AFDN: variants seen among roughly 807,000 people sequenced by gnomAD.
AFDN encodes afadin, adherens junction formation factor, also known as afadin.
Under a neutral mutation model 216.6 loss-of-function variants are expected in AFDN, and 68 were observed. That is an observed-to-expected ratio of 0.31 (90% CI 0.26 to 0.38). The LOEUF (loss-of-function observed/expected upper bound fraction) is 0.38, where lower values mean the gene tolerates loss of function less well. Ranked by LOEUF, AFDN falls within the 10% of genes least tolerant of loss-of-function variation. The pLI is 1.00. For missense variants in AFDN, 2,136 were observed against 2,342.0 expected (o/e 0.91, Z 1.82); for synonymous variants, 868 against 853.7 (o/e 1.02, Z -0.29).
Position 167,969,960 on chromosome 6 carries a change from A to G in AFDN, c.*25A>G, listed in dbSNP as rs778332931. 5 of 1,581,746 alleles carry G rather than the reference A, an allele frequency of 3.2e-6. No individual in the cohort carries two copies. The highest frequency in any genetic ancestry group is 4.3e-6 in the Non-Finnish European group (5 of 1,168,206). ...AAAGAAAATGAGGAGAACACTTTGTATTTACCCCAAAATCTTTTCAGTTGT... is the reference window on the plus strand; with the variant it reads ...AAAGAAAATGAGGAGAACACTTTGTGTTTACCCCAAAATCTTTTCAGTTGT... On this transcript the variant is annotated 3_prime_UTR_variant, in exon 34 of 34. Transcript: ENST00000683244.
chr6:167,841,818 G>A (rs62427059), intron 1 of AFDN, among the ~76,000 whole-genome samples: 2 of 151,704 alleles, frequency 1.3e-5, no homozygotes, highest in Non-Finnish European at 2.9e-5. Context: ...CTTCAAGAGC[G>A]CTCTGGATTC....
chr6:167,939,389 A>T (rs1337958452), intron 23 of AFDN, among the ~76,000 whole-genome samples: 1 of 152,212 alleles, frequency 6.6e-6, no homozygotes, highest in Non-Finnish European at 1.5e-5. Flanking sequence ...AGGAAAAAAT[A>T]AGTAGTGCTT....
chr6:167,891,639 G>C (rs1379296385), intron 8 of AFDN, among the ~76,000 whole-genome samples: 1 of 152,038 alleles, frequency 6.6e-6, no homozygotes, highest in Non-Finnish European at 1.5e-5. Flanking sequence ...TTTCAGGTTA[G>C]CCATTGAGTA....
intron 23 of AFDN, 137 bp from the exon 24 acceptor site, chr6:167,942,992 G>A: frequency 1.7e-6 from 1 of 592,412 alleles, no homozygotes; most frequent in South Asian, 2.8e-5. Flanking sequence ...TAATTTTCAT[G>A]TAAAAATGAG....
rs577953382 is a variant in AFDN at position 167,969,700 on chromosome 6, C to T, written c.5343-82C>T. On this transcript the variant is annotated intron_variant, in intron 33 of 33. Transcript: ENST00000683244. ...ACAAAGAATGAGTGAAAATTTTAATCGCCCATTTTGCAAACGTGTGTAATT... is the reference window on the plus strand; with the variant it reads ...ACAAAGAATGAGTGAAAATTTTAATTGCCCATTTTGCAAACGTGTGTAATT... 48 of 1,319,750 alleles carry T rather than the reference C, an allele frequency of 3.6e-5. No individual in the cohort carries two copies. In the East Asian group the frequency reaches 1.0e-3, roughly 29 times the overall value. The allele number at this position is 1,319,750 out of a possible 1,614,324, so 81.8% of individuals were successfully genotyped here. A position where few individuals can be genotyped will look rare whatever the true frequency, so the allele number is the denominator to read the frequency against.
chr6:167,946,395 C>T (rs1471676159), intron 26 of AFDN, among the ~76,000 whole-genome samples: 1 of 151,982 alleles, frequency 6.6e-6, no homozygotes, highest in Non-Finnish European at 1.5e-5. Context: ...GTCAGGGAAA[C>T]ATATATATCT....
chr6:167,831,662 G>A (rs1342542009), intron 1 of AFDN, among the ~76,000 whole-genome samples: 1 of 152,178 alleles, frequency 6.6e-6, no homozygotes, highest in Non-Finnish European at 1.5e-5. Context: ...AATTAATAGT[G>A]GCAGACTAGC....
intron 3 of AFDN, among the ~76,000 whole-genome samples, chr6:167,871,114 C>G (rs1440341513): frequency 6.6e-6 from 1 of 150,572 alleles, no homozygotes; most frequent in Non-Finnish European, 1.5e-5. Context: ...CATTCCCCCC[C>G]GCCCCGCCCC....
chr6:167,967,293 G>A (rs756186995), intron 32 of AFDN, among the ~76,000 whole-genome samples: 23 of 152,200 alleles, frequency 1.5e-4, no homozygotes, highest in South Asian at 4.1e-4. Flanking sequence ...AAGAGTCAGT[G>A]TAACTGTCAC....
In AFDN at chr6:167,918,617, T is replaced by C. The variant is rs1018845655; in HGVS notation, c.2710-118T>C. 22 of 862,832 alleles carry C rather than the reference T, an allele frequency of 2.5e-5. 1 individual carries two copies. In the Admixed American group the frequency reaches 4.4e-4, roughly 17 times the overall value. The allele number at this position is 862,832 out of a possible 1,614,324, so 53.4% of individuals were successfully genotyped here. A position where few individuals can be genotyped will look rare whatever the true frequency, so the allele number is the denominator to read the frequency against. ...GTAACCCTGCGTCTGTCTGTGTGTGTGTGTGTGTCTGTGAGATAAGCTGTG... is the reference window on the plus strand; with the variant it reads ...GTAACCCTGCGTCTGTCTGTGTGTGCGTGTGTGTCTGTGAGATAAGCTGTG... On this transcript the variant is annotated intron_variant, in intron 20 of 33. Transcript: ENST00000683244.
intron 30 of AFDN, 143 bp downstream of exon 30, chr6:167,952,330 C>A (rs776412648): frequency 2.0e-6 from 3 of 1,516,324 alleles, no homozygotes; most frequent in Non-Finnish European, 2.6e-6. Flanking sequence ...GTATGTGTTA[C>A]TCTTGGCTGA....
rs753711058 is a variant in AFDN at position 167,966,011 on chromosome 6, T to TGAGGAG, written c.5238_5243dup (p.Glu1746_Glu1747dup). 15 of 1,546,402 alleles carry TGAGGAG rather than the reference T, an allele frequency of 9.7e-6. No homozygotes were observed. The highest frequency in any genetic ancestry group is 1.4e-5 in the African/African-American group (1 of 72,702). The stretch of plus-strand genomic sequence containing the variant: ...TCACTGCCAAGTTTGTTGCATACAA[T>TGAGGAG]GAGGAGGAGGAGGAGGAGGACTGCA... On this transcript the variant is annotated inframe_insertion, in exon 32 of 34. Transcript: ENST00000683244.
chr6:167,964,882 A>G, intron 31 of AFDN: 1 of 1,064,590 alleles, frequency 9.4e-7, no homozygotes, highest in Non-Finnish European at 1.1e-6. Flanking sequence ...TGTGCTCTAA[A>G]ACTTTTGTCA....
chr6:167,836,693 T>G (rs989443255), intron 1 of AFDN, among the ~76,000 whole-genome samples: 10 of 152,280 alleles, frequency 6.6e-5, no homozygotes, highest in African/African-American at 2.2e-4. Flanking sequence ...GCATTTTGAG[T>G]TTTTAAGTCA....
intron 1 of AFDN, among the ~76,000 whole-genome samples, chr6:167,837,088 A>G (rs1380849785): frequency 6.6e-6 from 1 of 152,286 alleles, no homozygotes; most frequent in Non-Finnish European, 1.5e-5. Context: ...TATTACCTTC[A>G]TGACATTGTT....
intron 1 of AFDN, among the ~76,000 whole-genome samples, chr6:167,846,677 T>C (rs1781718156): frequency 6.6e-6 from 1 of 150,618 alleles, no homozygotes; most frequent in Admixed American, 6.6e-5. Context: ...AATTGAAGAT[T>C]GAAAAAAGTA....
chr6:167,833,784 C>T (rs995758613), intron 1 of AFDN, among the ~76,000 whole-genome samples: 13 of 152,272 alleles, frequency 8.5e-5, no homozygotes, highest in African/African-American at 3.1e-4. Flanking sequence ...TGGTCACTCT[C>T]AGACACTATC....
At chr6:167,963,600 G>A in intron 31 of AFDN, 1 of 1,058,172 alleles carries the variant, frequency 9.5e-7, no homozygotes, top group Non-Finnish European at 1.1e-6. Context: ...ATGGAGTAGA[G>A]TGAATAATGT....
intron 12 of AFDN, among the ~76,000 whole-genome samples, chr6:167,904,969 C>A (rs559037814): frequency 3.9e-5 from 6 of 152,342 alleles, no homozygotes. Flanking sequence ...TGCTTCCTCT[C>A]AGCGTGTCTC....
Sources: allele counts gnomAD v4.1 joint callset (sites outside exome capture counted in the v4.1 genomes callset), GRCh38; gene constraint gnomAD v4.1.1; transcripts MANE v1.5; gene names NCBI Gene and HGNC (gene_info 2026-07-23, HGNC 2026-07-21).